HMGCLL1: variants seen among roughly 807,000 people sequenced by gnomAD.
The protein encoded by HMGCLL1 is 3-hydroxy-3-methylglutaryl-CoA lyase like 1, also known as 3-hydroxymethyl-3-methylglutaryl-CoA lyase, cytoplasmic.
Under a neutral mutation model 39.1 loss-of-function variants are expected in HMGCLL1, and 36 were observed. That is an observed-to-expected ratio of 0.92 (90% CI 0.71 to 1.22). HMGCLL1 has a LOEUF of 1.22. Ranked by LOEUF, HMGCLL1 falls within the 50% of genes most tolerant of loss-of-function variation. The pLI, the probability that HMGCLL1 is intolerant of heterozygous loss-of-function variation, is 0.00. For synonymous variants in HMGCLL1, 149 were observed against 144.0 expected, an observed-to-expected ratio of 1.03 and a Z score of -0.25; for missense variants, 451 against 416.5, an observed-to-expected ratio of 1.08 and a Z score of -0.72.
rs1389121033 is a variant in HMGCLL1, at chr6:55,495,487, C to T, written c.727G>A (p.Gly243Ser). The T allele has an allele frequency of 1.3e-5, 21 of 1,613,908 alleles. No homozygotes were observed. In the Admixed American group the frequency reaches 2.7e-4, roughly 20 times the overall value. Residue 243 changes from glycine to serine, a missense_variant, in exon 7 of 9, where the codon GGT (glycine) becomes AGT (serine). Coordinates refer to ENST00000274901, the MANE Select transcript of HMGCLL1 (RefSeq NM_001042406.2). ...LESVMKEIPP[G>S]ALAVHCHDTY... ...TCATGACAGTGAACAGCAAGAGCAC[C>T]TGGTGGGATTTCTTTCATCACACTT...
chr6:55,622,297 C>A, the HMGCLL1 span, among the ~76,000 whole-genome samples: 1 of 151,952 alleles, frequency 6.6e-6, no homozygotes, highest in Non-Finnish European at 1.5e-5. Context: ...GCCAAAATTT[C>A]TAGTACTATG....
chr6:55,632,371 T>C, the HMGCLL1 span, among the ~76,000 whole-genome samples: 7 of 151,160 alleles, frequency 4.6e-5, no homozygotes, highest in Non-Finnish European at 8.8e-5. Context: ...GGTCATGGCA[T>C]CTAATTGAAT....
At chr6:55,513,997 G>A (rs1767600849) in intron 5 of HMGCLL1, 51 bp downstream of exon 5, 1 of 1,515,142 alleles carries the variant, frequency 6.6e-7, no homozygotes, top group Non-Finnish European at 9.0e-7. Flanking sequence ...TTTTGAGTAA[G>A]CTTTAACAAT....
chr6:55,532,836 T>A (rs949861461), intron 3 of HMGCLL1, among the ~76,000 whole-genome samples: 1 of 147,578 alleles, frequency 6.8e-6, no homozygotes, highest in Non-Finnish European at 1.5e-5. Context: ...ATAATAATAA[T>A]AATAATAATA....
In HMGCLL1 at chr6:55,546,553, T is replaced by C. The variant is rs114194256; in HGVS notation, c.109-4413A>G. Among the ~76,000 whole-genome samples, 845 of 152,248 alleles carry C rather than the reference T, an allele frequency of 5.6e-3. 9 individuals carry two copies. Among genetic ancestry groups the C allele is most frequent in the African/African-American group, 0.019 (788 of 41,552 alleles). On this transcript the variant is annotated intron_variant, in intron 1 of 8. Transcript: ENST00000274901. ...GTTATTGGGTATAGGAGGTGAATCA[T>C]TCAACCAAAACTCCTGCCCATAACT...
At chr6:55,536,997 T>C (rs1397246001) in intron 3 of HMGCLL1, among the ~76,000 whole-genome samples, 1 of 152,208 alleles carries the variant, frequency 6.6e-6, no homozygotes, top group Admixed American at 6.5e-5. Flanking sequence ...CACATTGTCC[T>C]TAAAAGTAGA....
Position 55,541,728 on chromosome 6 carries a change from C to G in HMGCLL1, c.297+1G>C. ...AATTAAGAAATTGTGGGTTTACATACCTGTGGTACCCATCTGGAAGACACA... is the reference window on the plus strand; with the variant it reads ...AATTAAGAAATTGTGGGTTTACATAGCTGTGGTACCCATCTGGAAGACACA... On this transcript the variant is annotated splice_donor_variant, in intron 3 of 8. Coordinates refer to ENST00000274901, the MANE Select transcript of HMGCLL1 (RefSeq NM_001042406.2). LOFTEE classifies it high-confidence loss of function. 1 of 1,524,154 alleles carries G rather than the reference C, an allele frequency of 6.6e-7. No homozygotes were observed. Among genetic ancestry groups the G allele is most frequent in the Non-Finnish European group, 9.0e-7 (1 of 1,113,300 alleles). The allele number at this position is 1,524,154 out of a possible 1,614,324, so 94.4% of individuals were successfully genotyped here.
chr6:55,658,917 A>T, the HMGCLL1 span, among the ~76,000 whole-genome samples: 2 of 151,918 alleles, frequency 1.3e-5, no homozygotes, highest in African/African-American at 4.8e-5. Context: ...GGGGCATCAG[A>T]GGATCCTCTA....
intron 7 of HMGCLL1, among the ~76,000 whole-genome samples, chr6:55,452,969 T>C (rs1349197600): frequency 1.3e-5 from 2 of 152,072 alleles, no homozygotes; most frequent in East Asian, 3.9e-4. Context: ...TATTTTGTGG[T>C]GGAGCAAGGA....
chr6:55,454,200 T>C (rs569411731), intron 7 of HMGCLL1, among the ~76,000 whole-genome samples: 106 of 152,328 alleles, frequency 7.0e-4, no homozygotes, highest in African/African-American at 2.4e-3. Flanking sequence ...ATTTAAAAGA[T>C]AGGACACAGT....
chr6:55,586,145 TTAAC>T, the HMGCLL1 span, among the ~76,000 whole-genome samples: 1 of 151,874 alleles, frequency 6.6e-6, no homozygotes, highest in Non-Finnish European at 1.5e-5. Flanking sequence ...ATAATGTTGC[TTAAC>T]TAACTAAAAT....
Position 55,514,199 on chromosome 6 carries a change from G to T in HMGCLL1, c.394-3C>A, listed in dbSNP as rs1199209468. On this transcript the variant is annotated splice_region_variant and splice_polypyrimidine_tract_variant and intron_variant, in intron 4 of 8. Coordinates refer to ENST00000274901, the MANE Select transcript of HMGCLL1 (RefSeq NM_001042406.2). ...ATCTCAGTAGCTCCAGCAGCAACCTGAAAAATATATAATTTAAAGCCAAAT... is the reference window on the plus strand; with the variant it reads ...ATCTCAGTAGCTCCAGCAGCAACCTTAAAAATATATAATTTAAAGCCAAAT... 2 of 1,592,802 alleles carry T rather than the reference G, an allele frequency of 1.3e-6. No homozygotes were observed. Among genetic ancestry groups the T allele is most frequent in the African/African-American group, 1.4e-5 (1 of 73,484 alleles).
At chr6:55,605,161 G>T in the HMGCLL1 span, among the ~76,000 whole-genome samples, 3 of 152,142 alleles carry the variant, frequency 2.0e-5, no homozygotes, top group African/African-American at 7.2e-5. Flanking sequence ...CCCCAGGGTG[G>T]TCTATATCCA....
intron 1 of HMGCLL1, among the ~76,000 whole-genome samples, chr6:55,547,497 G>A (rs1770055196): frequency 6.6e-6 from 1 of 151,848 alleles, no homozygotes; most frequent in Non-Finnish European, 1.5e-5. Flanking sequence ...GAAATTTCCA[G>A]ACATATTTGC....
At chr6:55,636,054 G>A in the HMGCLL1 span, among the ~76,000 whole-genome samples, 53,058 of 151,750 alleles carry the variant, frequency 0.35, 9,662 homozygotes, top group African/African-American at 0.44. Flanking sequence ...GAAAATATCA[G>A]TCTCATGATC....
intron 1 of HMGCLL1, among the ~76,000 whole-genome samples, chr6:55,572,982 A>G (rs189263862): frequency 6.6e-6 from 1 of 152,338 alleles, no homozygotes; most frequent in Non-Finnish European, 1.5e-5. Flanking sequence ...TGTATGAGCA[A>G]CTGAGAAGCC....
chr6:55,635,948 T>A, the HMGCLL1 span, among the ~76,000 whole-genome samples: 1 of 152,248 alleles, frequency 6.6e-6, no homozygotes, highest in South Asian at 2.1e-4. Flanking sequence ...TCTTCCAGCA[T>A]CGCCCACCCT....
chr6:55,672,917 T>C, the HMGCLL1 span, among the ~76,000 whole-genome samples: 2 of 151,972 alleles, frequency 1.3e-5, no homozygotes, highest in African/African-American at 4.8e-5. Flanking sequence ...CACACTAATA[T>C]TGGAATTTTT....
intron 7 of HMGCLL1, among the ~76,000 whole-genome samples, chr6:55,455,969 C>T (rs749158199): frequency 6.6e-6 from 1 of 152,068 alleles, no homozygotes; most frequent in Admixed American, 6.6e-5. Context: ...ATATTAAGGG[C>T]TTTTGCTATT....
Sources: gnomAD v4.1 joint callset for allele counts (sites outside exome capture counted in the v4.1 genomes callset) on GRCh38, gnomAD v4.1.1 for gene constraint, MANE v1.5 for transcripts, NCBI Gene and HGNC (gene_info 2026-07-23, HGNC 2026-07-21) for gene names.